The following HEATR5A variants were observed in gnomAD, a reference collection of about 807,000 sequenced individuals.
The protein encoded by HEATR5A is HEAT repeat containing 5A.
A neutral mutation model predicts 218.8 loss-of-function variants in HEATR5A; 178 were observed. The observed-to-expected ratio is 0.81, with a 90% CI of 0.72 to 0.92. The LOEUF (loss-of-function observed/expected upper bound fraction) is 0.92, where lower values mean the gene tolerates loss of function less well. Among genes scored for constraint, HEATR5A ranks in the 40% least tolerant of loss-of-function variants. The probability of loss-of-function intolerance (pLI) is 0.00; values close to 1 mark genes in which losing one functional copy is unlikely to be tolerated. For missense variants in HEATR5A, 2,420 were observed against 2,418.9 expected, an observed-to-expected ratio of 1.00 and a Z score of -0.01; for synonymous variants, 864 against 871.6, an observed-to-expected ratio of 0.99 and a Z score of 0.15.
At chr14:31,326,644 T>A (rs1018275897) in intron 22 of HEATR5A, among the ~76,000 whole-genome samples, 2 of 152,038 alleles carry the variant, frequency 1.3e-5, no homozygotes, top group African/African-American at 4.8e-5. Flanking sequence ...CTTACAAAAT[T>A]TTTTTTTCTT....
intron 1 of HEATR5A, among the ~76,000 whole-genome samples, chr14:31,406,337 G>A (rs529614294): frequency 6.6e-6 from 1 of 152,140 alleles, no homozygotes; most frequent in Admixed American, 6.6e-5. Flanking sequence ...TTGAAAAAAG[G>A]ATTTCATAAA....
At position 31,403,034 on chromosome 14, in the gene HEATR5A, A is replaced by G. The variant is rs983306568; in HGVS notation, c.-59T>C. 3.4e-6 allele frequency: 5 copies of G among 1,451,212 alleles called. No homozygotes were observed. The highest frequency in any genetic ancestry group is 1.4e-5 in the African/African-American group (1 of 70,878). 89.9% of individuals were successfully genotyped at this position (1,451,212 alleles called of 1,614,324 possible). On this transcript the variant is annotated 5_prime_UTR_variant, in exon 2 of 36. Coordinates refer to ENST00000543095, the MANE Select transcript of HEATR5A (RefSeq NM_015473.4). Reference sequence around the variant, plus strand: ...CTTCTCGTTAAACTTTGGTCAATATACCTAACAATAAAAATCTGCAATACA... The same window carrying G: ...CTTCTCGTTAAACTTTGGTCAATATGCCTAACAATAAAAATCTGCAATACA...
chr14:31,308,346 A>G (rs535450868), intron 29 of HEATR5A, among the ~76,000 whole-genome samples: 12 of 152,186 alleles, frequency 7.9e-5, no homozygotes, highest in African/African-American at 2.4e-4. Flanking sequence ...CGTCTCGACT[A>G]AAAATACAAA....
chr14:31,346,679 T>A lies in HEATR5A; in HGVS notation c.2868+1069A>T, dbSNP rs59267250. ...GTTGATTCAAGAAGCAATAAGCACT[T>A]TGTCAAGCTTTTCTGCAGGAAAGTG... On this transcript the variant is annotated intron_variant, in intron 19 of 35. Coordinates refer to ENST00000543095, the MANE Select transcript of HEATR5A (RefSeq NM_015473.4). Among the ~76,000 whole-genome samples, 333 of 152,306 alleles carry A rather than the reference T, an allele frequency of 2.2e-3. 2 individuals are homozygous for A. The highest frequency in any genetic ancestry group is 7.3e-3 in the African/African-American group (304 of 41,566).
At chr14:31,394,279 T>C in intron 5 of HEATR5A, 53 bp from the exon 6 acceptor site, 2 of 1,167,832 alleles carry the variant, frequency 1.7e-6, no homozygotes, top group South Asian at 1.8e-5. Flanking sequence ...AAATGTCAGG[T>C]TCAGAGCTAT....
intron 11 of HEATR5A, among the ~76,000 whole-genome samples, chr14:31,379,843 A>G (rs1288790042): frequency 6.6e-6 from 1 of 152,064 alleles, no homozygotes; most frequent in East Asian, 1.9e-4. Flanking sequence ...CTATGGTCCC[A>G]GCTACTTGGG....
chr14:31,293,475 A>C lies in HEATR5A; in HGVS notation c.5971T>G (p.Tyr1991Asp). Residue 1991 changes from tyrosine (Y) to aspartate (D), a missense_variant, in exon 36 of 36, where the codon TAT becomes GAT. Coordinates refer to ENST00000543095, the MANE Select transcript of HEATR5A (RefSeq NM_015473.4). Reference sequence around the variant, plus strand: ...ACTAAACTTTTAAAAACAGATGAATACTGAGGTCCAATTTGCATGAGATTT... The same window carrying C: ...ACTAAACTTTTAAAAACAGATGAATCCTGAGGTCCAATTTGCATGAGATTT... ...LQNLMQIGPQYSSVFKSLVAS... is the reference protein window; with the variant it reads ...LQNLMQIGPQDSSVFKSLVAS... 6.2e-7 allele frequency: 1 copy of C among 1,613,974 alleles called. No individual in the cohort carries two copies. The highest frequency in any genetic ancestry group is 1.1e-5 in the South Asian group (1 of 91,090).
chr14:31,371,571 A>C (rs1252398063), intron 13 of HEATR5A: 2 of 308,654 alleles, frequency 6.5e-6, no homozygotes, highest in Non-Finnish European at 1.2e-5. Flanking sequence ...TAAGAGGCTT[A>C]ATAGTTAATT....
chr14:31,391,279 G>A (rs967279934), intron 6 of HEATR5A, among the ~76,000 whole-genome samples: 1 of 152,094 alleles, frequency 6.6e-6, no homozygotes, highest in African/African-American at 2.4e-5. Flanking sequence ...TGGAACTACA[G>A]GCACATGCCA....
chr14:31,323,667 C>T lies in HEATR5A; in HGVS notation c.3685G>A (p.Ala1229Thr). ...ATTATCCTACAGACACATTCAGCAG[C>T]AAAGACTCTAGTAGCCCATCGGGGA... ...TNPRWATRVF[A>T]AECVCRIINQ... is the part of the protein sequence containing the mutation. Residue 1229 changes from alanine to threonine, a missense_variant, in exon 24 of 36, where the codon GCT becomes ACT. Transcript: ENST00000543095. The T allele has an allele frequency of 6.2e-7, 1 of 1,613,684 alleles. No individual in the cohort carries two copies. The highest frequency in any genetic ancestry group is 1.1e-5 in the South Asian group (1 of 91,072).
intron 17 of HEATR5A, among the ~76,000 whole-genome samples, chr14:31,350,362 T>C (rs1901177617): frequency 6.6e-6 from 1 of 152,182 alleles, no homozygotes; most frequent in African/African-American, 2.4e-5. Flanking sequence ...TATCAATCCC[T>C]GGCCCAGGAT....
At position 31,402,868 on chromosome 14, in the gene HEATR5A, G is replaced by A; in HGVS notation, c.108C>T (p.Leu36=). 2 of 1,536,526 alleles carry A rather than the reference G, an allele frequency of 1.3e-6. No individual in the cohort carries two copies. Among genetic ancestry groups the A allele is most frequent in the Non-Finnish European group, 1.7e-6 (2 of 1,146,940 alleles). Reference sequence around the variant, plus strand: ...TACCCACCCTGCTGGTTGCCAACAAGAGCTTCTCCAAGTATCTCAACCACT... The same window carrying A: ...TACCCACCCTGCTGGTTGCCAACAAAAGCTTCTCCAAGTATCTCAACCACT... ...IFEWLRYLEK[L]LLATSRNDVR... is the part of the protein sequence containing the mutation. Residue 36 remains leucine, a synonymous_variant, in exon 2 of 36, where the codon CTC becomes CTT. Coordinates refer to ENST00000543095, the MANE Select transcript of HEATR5A (RefSeq NM_015473.4).
Position 31,302,357 on chromosome 14 carries a change from C to A in HEATR5A, c.5402G>T (p.Arg1801Leu). 1.9e-6 allele frequency: 3 copies of A among 1,604,742 alleles called. No homozygotes were observed. The highest frequency in any genetic ancestry group is 2.7e-5 in the African/African-American group (2 of 74,880). The change falls in exon 33 of 36, where the codon CGT becomes CTT. Residue 1801 changes from arginine (R) to leucine (L), a missense_variant. Physicochemically the swap from Arg to Leu is moderately radical, Grantham distance 102. Transcript: ENST00000543095. ...TCGGAGAAGGTCAGTCCAAGCAGTA[C>A]GGCTCTTTTCTGCCCGGGCCATGGG... Reference protein sequence around the residue: ...SSPMARAEKSRTAWTDLLRSA... With the variant: ...SSPMARAEKSLTAWTDLLRSA...
At chr14:31,380,224 G>T (rs114879497) in intron 11 of HEATR5A, among the ~76,000 whole-genome samples, 2,298 of 152,254 alleles carry the variant, frequency 0.015, 50 homozygotes, top group African/African-American at 0.052. Flanking sequence ...TAGTAACTCG[G>T]CTTATCCTAC....
At chr14:31,294,170 C>G in intron 34 of HEATR5A, 66 bp from the exon 35 acceptor site, 1 of 1,071,872 alleles carries the variant, frequency 9.3e-7, no homozygotes, top group Non-Finnish European at 1.3e-6. Context: ...CCTGAGGACT[C>G]TTTGCTTTTT....
intron 13 of HEATR5A, among the ~76,000 whole-genome samples, chr14:31,365,023 C>T (rs926020258): frequency 6.6e-6 from 1 of 151,494 alleles, no homozygotes; most frequent in Non-Finnish European, 1.5e-5. Context: ...TACAGGTGCG[C>T]ACCACCATGC....
chr14:31,367,431 ACT>A (rs1901842585), intron 13 of HEATR5A, among the ~76,000 whole-genome samples: 1 of 151,644 alleles, frequency 6.6e-6, no homozygotes, highest in Admixed American at 6.6e-5. Flanking sequence ...ATGGAGTCTC[ACT>A]CTGTTACCCA....
chr14:31,391,719 C>T (rs1203901045), intron 6 of HEATR5A, among the ~76,000 whole-genome samples: 1 of 152,084 alleles, frequency 6.6e-6, no homozygotes, highest in East Asian at 1.9e-4. Context: ...AGGTGTGTAC[C>T]ATTTCTTATC....
At chr14:31,359,729 CA>C (rs376157768) in intron 14 of HEATR5A, among the ~76,000 whole-genome samples, 7,770 of 32,144 alleles carry the variant, frequency 0.24, 64 homozygotes, top group African/African-American at 0.34. Context: ...CATCTCAAGA[CA>C]AAAAAAAAAA....
Sources: gnomAD v4.1 joint callset for allele counts (sites outside exome capture counted in the v4.1 genomes callset) on GRCh38, gnomAD v4.1.1 for gene constraint, MANE v1.5 for transcripts, NCBI Gene and HGNC (gene_info 2026-07-23, HGNC 2026-07-21) for gene names.